The following TMEM260 variants were observed in gnomAD, a reference collection of about 807,000 sequenced individuals.
The protein encoded by TMEM260 is transmembrane protein 260.
Under a neutral mutation model 88.9 loss-of-function variants are expected in TMEM260, and 82 were observed. The ratio of observed to expected loss-of-function variants is 0.92; its 90% confidence interval spans 0.77 to 1.11. TMEM260 has a LOEUF of 1.11. Among genes scored for constraint, TMEM260 ranks in the 50% least tolerant of loss-of-function variants. The pLI is 0.00. For synonymous variants in TMEM260, 314 were observed against 309.3 expected, an observed-to-expected ratio of 1.02 and a Z score of -0.16; for missense variants, 902 against 853.4, an observed-to-expected ratio of 1.06 and a Z score of -0.71.
At chr14:56,636,642 A>C (rs745451029) in intron 15 of TMEM260, 44 bp downstream of exon 15, 1 of 1,527,378 alleles carries the variant, frequency 6.5e-7, no homozygotes, top group South Asian at 1.1e-5. Context: ...ATTTGGTGGG[A>C]AGGTGATGGT....
At chr14:56,642,321 G>A (rs1474488340) in intron 15 of TMEM260, among the ~76,000 whole-genome samples, 1 of 152,118 alleles carries the variant, frequency 6.6e-6, no homozygotes, top group Non-Finnish European at 1.5e-5. Context: ...TCAGACCACA[G>A]TGCAATCAAA....
chr14:56,589,769 C>T (rs1594812736), intron 3 of TMEM260, among the ~76,000 whole-genome samples: 1 of 152,130 alleles, frequency 6.6e-6, no homozygotes, highest in Admixed American at 6.5e-5. Flanking sequence ...CATCGTGTTG[C>T]TGCTAAAAAT....
intron 7 of TMEM260, chr14:56,613,862 C>T (rs1237905225): frequency 6.7e-6 from 1 of 150,234 alleles, no homozygotes; most frequent in Admixed American, 6.6e-5. Context: ...GAGTTTGAGA[C>T]CAGCCTGGGC....
At chr14:56,643,564 G>A (rs1166050018) in intron 15 of TMEM260, among the ~76,000 whole-genome samples, 1 of 152,108 alleles carries the variant, frequency 6.6e-6, no homozygotes, top group African/African-American at 2.4e-5. Context: ...TACTGAATGG[G>A]CAAAAACTGG....
At chr14:56,610,631 T>G (rs1887199974) in intron 6 of TMEM260, among the ~76,000 whole-genome samples, 1 of 152,208 alleles carries the variant, frequency 6.6e-6, no homozygotes, top group African/African-American at 2.4e-5. Flanking sequence ...ATGTTTTTTA[T>G]ATGTAGGAGA....
chr14:56,653,736 C>CAAA (rs10522889), downstream of TMEM260, among the ~76,000 whole-genome samples: 2 of 66,606 alleles, frequency 3.0e-5, no homozygotes, highest in Non-Finnish European at 2.7e-5. Context: ...CTCTTGTCTC[C>CAAA]AAAACAAAAA....
Position 56,615,934 on chromosome 14 carries a change from T to G in TMEM260, c.858-10T>G, listed in dbSNP as rs936703932. 6.2e-7 allele frequency: 1 copy of G among 1,603,458 alleles called. No individual in the cohort carries two copies. The highest frequency in any genetic ancestry group is 1.3e-5 in the African/African-American group (1 of 74,676). On this transcript the variant is annotated splice_polypyrimidine_tract_variant and intron_variant, in intron 7 of 15. Transcript: ENST00000261556. ...TTCCTGCCAACAATAAGTTAGATTGTTTTTTGCAGTTCTCAAGTAACAAAT... is the reference window on the plus strand; with the variant it reads ...TTCCTGCCAACAATAAGTTAGATTGGTTTTTGCAGTTCTCAAGTAACAAAT...
intron 11 of TMEM260, among the ~76,000 whole-genome samples, chr14:56,623,323 C>T (rs1418396574): frequency 6.6e-6 from 1 of 152,126 alleles, no homozygotes; most frequent in Non-Finnish European, 1.5e-5. Context: ...CTTTTCCCTC[C>T]CAGTCACAGG....
At chr14:56,634,456 A>G (rs973718598) in intron 13 of TMEM260, among the ~76,000 whole-genome samples, 5 of 152,238 alleles carry the variant, frequency 3.3e-5, no homozygotes, top group African/African-American at 1.2e-4. Flanking sequence ...TTTTAGGAGA[A>G]CAAGTTTATT....
At chr14:56,653,009 A>G (rs920352551), downstream of TMEM260, among the ~76,000 whole-genome samples, 1 of 152,106 alleles carries the variant, frequency 6.6e-6, no homozygotes, top group Admixed American at 6.6e-5. Flanking sequence ...AAACACCACC[A>G]TGGGCCGGGC....
chr14:56,647,494 C>G lies in TMEM260; in HGVS notation c.2121C>G (p.Val707=), dbSNP rs1359519869. The G allele has an allele frequency of 6.3e-7, 1 of 1,585,158 alleles. No individual in the cohort carries two copies. The highest frequency in any genetic ancestry group is 8.6e-7 in the Non-Finnish European group (1 of 1,169,228). ...AAAGTCTGAGAAATAGGAAAAATGT[C>G]TGAGACAGCAAAATATGAAAAACCT... ...ELQSLRNRKN[V] The change falls in exon 16 of 16, where the codon GTC becomes GTG. Residue 707 remains valine (V), a synonymous_variant. Transcript: ENST00000261556.
At chr14:56,628,884 C>G (rs1246513586) in intron 12 of TMEM260, among the ~76,000 whole-genome samples, 1 of 145,848 alleles carries the variant, frequency 6.9e-6, no homozygotes, top group African/African-American at 2.5e-5. Flanking sequence ...GATTAGTTGA[C>G]TTTTTGTATT....
chr14:56,579,656 C>T, upstream of TMEM260: 2 of 383,240 alleles, frequency 5.2e-6, no homozygotes, highest in Non-Finnish European at 9.2e-6. Flanking sequence ...TGATTAGGAA[C>T]CTTAAATCAC....
chr14:56,628,619 T>A, intron 12 of TMEM260, among the ~76,000 whole-genome samples: 1 of 152,146 alleles, frequency 6.6e-6, no homozygotes. Context: ...TTTCGCTGTC[T>A]ATACAAATGA....
the TMEM260 span, among the ~76,000 whole-genome samples, chr14:56,662,851 G>A: frequency 2.0e-5 from 3 of 152,204 alleles, no homozygotes; most frequent in South Asian, 4.1e-4. Flanking sequence ...TGCATTGGCC[G>A]GGCACCCTGG....
intron 3 of TMEM260, among the ~76,000 whole-genome samples, chr14:56,594,102 C>G (rs957954905): frequency 6.6e-6 from 1 of 152,094 alleles, no homozygotes; most frequent in African/African-American, 2.4e-5. Flanking sequence ...TTCTGTAAGT[C>G]AGATTAGATG....
chr14:56,638,008 G>C (rs1889246919), intron 15 of TMEM260, among the ~76,000 whole-genome samples: 1 of 152,122 alleles, frequency 6.6e-6, no homozygotes, highest in African/African-American at 2.4e-5. Flanking sequence ...GCTGGTGAGG[G>C]AGGGAGGAAG....
intron 15 of TMEM260, among the ~76,000 whole-genome samples, chr14:56,642,382 A>G (rs1889663220): frequency 6.6e-6 from 1 of 152,208 alleles, no homozygotes; most frequent in Admixed American, 6.5e-5. Flanking sequence ...CTACATGGAA[A>G]CTGAACAACC....
intron 7 of TMEM260, 192 bp from the exon 8 acceptor site, chr14:56,615,752 G>T (rs949601822): frequency 1.3e-5 from 7 of 520,212 alleles, no homozygotes; most frequent in African/African-American, 1.3e-4. Flanking sequence ...GTTACCATTG[G>T]AAAACGTCTT....
Sources: gnomAD v4.1 joint callset for allele counts (sites outside exome capture counted in the v4.1 genomes callset) on GRCh38, gnomAD v4.1.1 for gene constraint, MANE v1.5 for transcripts, NCBI Gene and HGNC (gene_info 2026-07-23, HGNC 2026-07-21) for gene names.